TRIT1: variants seen among roughly 807,000 people sequenced by gnomAD.
TRIT1 encodes tRNA isopentenyltransferase 1, also known as tRNA dimethylallyltransferase.
Under a neutral mutation model 51.2 loss-of-function variants are expected in TRIT1, and 43 were observed. The observed-to-expected ratio is 0.84, with a 90% CI of 0.66 to 1.08. The LOEUF (loss-of-function observed/expected upper bound fraction) is 1.08. Among genes scored for constraint, TRIT1 ranks in the 50% least tolerant of loss-of-function variants. The pLI, the probability that TRIT1 is intolerant of heterozygous loss-of-function variation, is 0.00. For synonymous variants in TRIT1, 184 were observed against 203.9 expected (o/e 0.90, Z 0.83); for missense variants, 528 against 578.4 (o/e 0.91, Z 0.89).
intron 5 of TRIT1, 45 bp from the exon 6 acceptor site, chr1:39,848,142 C>A (rs768177032): frequency 3.5e-6 from 5 of 1,422,408 alleles, no homozygotes; most frequent in Middle Eastern, 3.5e-4. Flanking sequence ...GTTGTAGGTA[C>A]CTACTATATA....
chr1:39,856,554 G>A (rs1157857531), intron 2 of TRIT1, among the ~76,000 whole-genome samples: 1 of 150,594 alleles, frequency 6.6e-6, no homozygotes, highest in Non-Finnish European at 1.5e-5. Context: ...TCTATTCTGT[G>A]CCACAAATAT....
At chr1:39,866,275 C>T (rs1006095652) in intron 1 of TRIT1, among the ~76,000 whole-genome samples, 1 of 152,072 alleles carries the variant, frequency 6.6e-6, no homozygotes, top group Non-Finnish European at 1.5e-5. Flanking sequence ...CAGGTTCAAG[C>T]GATTCTCCTA....
In TRIT1 at chr1:39,852,767, G is replaced by A. The variant is rs761935152; in HGVS notation, c.524C>T (p.Ala175Val). 6.2e-7 allele frequency: 1 copy of A among 1,614,080 alleles called. No homozygotes were observed. The highest frequency in any genetic ancestry group is 8.5e-7 in the Non-Finnish European group (1 of 1,179,984). Residue 175 changes from alanine (A) to valine (V), a missense_variant, in exon 4 of 11, where the codon GCC becomes GTC. By Grantham distance (64) the Ala-to-Val change is moderately conservative. Coordinates refer to ENST00000316891, the MANE Select transcript of TRIT1 (RefSeq NM_017646.6). ...RLSQVDPEMA[A>V]KLHPHDKRKV... ...GCGTTTGTCATGTGGATGCAGCTTG[G>A]CAGCCATTTCTGGGTCCACCTGGCT...
chr1:39,838,910 G>A lies in TRIT1; in HGVS notation c.*2834C>T, dbSNP rs1248011882. On this transcript the variant is annotated 3_prime_UTR_variant, in exon 11 of 11. Transcript: ENST00000316891. ...ACAAAAAATTACTGAGAGTTAGGAAGGATCAAGCCATATTCCTGGAATACA... is the reference window on the plus strand; with the variant it reads ...ACAAAAAATTACTGAGAGTTAGGAAAGATCAAGCCATATTCCTGGAATACA... 6.6e-6 allele frequency among the ~76,000 whole-genome samples: 1 copy of A among 152,176 alleles called. No homozygotes were observed. The highest frequency in any genetic ancestry group is 1.5e-5 in the Non-Finnish European group (1 of 68,032).
chr1:39,861,934 A>G (rs1167893211), intron 1 of TRIT1, among the ~76,000 whole-genome samples: 4 of 151,732 alleles, frequency 2.6e-5, no homozygotes, highest in Middle Eastern at 3.2e-3. Context: ...AAAAAAAAAA[A>G]AAAAAGAAAA....
At chr1:39,866,091 AGAAAGGAAG>A (rs1388658832) in intron 1 of TRIT1, among the ~76,000 whole-genome samples, 2 of 66,414 alleles carry the variant, frequency 3.0e-5, no homozygotes, top group Non-Finnish European at 7.9e-5. Context: ...GAAGGAAAGA[AGAAAGGAAG>A]GAAGGAAGGA....
At chr1:39,879,364 ATGG>A (rs1644169934) in intron 1 of TRIT1, among the ~76,000 whole-genome samples, 5 of 152,112 alleles carry the variant, frequency 3.3e-5, no homozygotes, top group African/African-American at 1.2e-4. Context: ...GCCACTGGGG[ATGG>A]AAAGCAGACA....
intron 4 of TRIT1, among the ~76,000 whole-genome samples, chr1:39,852,134 A>G (rs904897986): frequency 1.3e-5 from 2 of 152,194 alleles, no homozygotes. Flanking sequence ...TCAATAGAAC[A>G]GGTCCTTCAT....
At chr1:39,850,305 C>A in intron 4 of TRIT1, 44 bp from the exon 5 acceptor site, 14 of 1,603,410 alleles carry the variant, frequency 8.7e-6, no homozygotes, top group Non-Finnish European at 1.2e-5. Flanking sequence ...CCCATAAAAA[C>A]CAATAGAAAA....
intron 1 of TRIT1, among the ~76,000 whole-genome samples, chr1:39,869,790 C>T (rs1398483648): frequency 1.1e-4 from 17 of 151,672 alleles, no homozygotes; most frequent in Non-Finnish European, 1.0e-4. Context: ...CGTCTCTGCC[C>T]GGCCGCCCCG....
In TRIT1 at chr1:39,841,917, A is replaced by T. The variant is rs1051205862; in HGVS notation, c.1235-4T>A. The T allele has an allele frequency of 6.2e-7, 1 of 1,601,308 alleles. No individual in the cohort carries two copies. The highest frequency in any genetic ancestry group is 1.3e-5 in the African/African-American group (1 of 74,174). On this transcript the variant is annotated splice_region_variant and splice_polypyrimidine_tract_variant and intron_variant, in intron 10 of 10. Coordinates refer to ENST00000316891, the MANE Select transcript of TRIT1 (RefSeq NM_017646.6). ...TGGGATTTGGATTTTATGTGCGCTGATAAGACAAAATCAAACCAAACAAAC... is the reference window on the plus strand; with the variant it reads ...TGGGATTTGGATTTTATGTGCGCTGTTAAGACAAAATCAAACCAAACAAAC...
intron 1 of TRIT1, among the ~76,000 whole-genome samples, chr1:39,871,699 T>C (rs542756107): frequency 6.6e-6 from 1 of 151,902 alleles, no homozygotes; most frequent in Admixed American, 6.6e-5. Flanking sequence ...GGCAAAACAA[T>C]AGGGATGGAA....
rs1160902354 is a variant in TRIT1 at position 39,841,347 on chromosome 1, G to C, written c.*397C>G. On this transcript the variant is annotated 3_prime_UTR_variant, in exon 11 of 11. Coordinates refer to ENST00000316891, the MANE Select transcript of TRIT1 (RefSeq NM_017646.6). ...CTTCAGTCATCTACAAAAGCATCTG[G>C]AAATTAGATAATTTTAGCCAGAGTC... 2 of 155,112 alleles carry C rather than the reference G, an allele frequency of 1.3e-5. No homozygotes were observed. Among genetic ancestry groups the C allele is most frequent in the Non-Finnish European group, 2.9e-5 (2 of 69,954 alleles). 9.6% of individuals were successfully genotyped at this position (155,112 alleles called of 1,614,324 possible).
chr1:39,867,609 A>G (rs1643625302), intron 1 of TRIT1, among the ~76,000 whole-genome samples: 2 of 152,372 alleles, frequency 1.3e-5, no homozygotes, highest in East Asian at 3.9e-4. Flanking sequence ...AAGTTAAAAC[A>G]TGAGAAACTG....
At chr1:39,867,800 C>T (rs1482483947) in intron 1 of TRIT1, among the ~76,000 whole-genome samples, 2 of 152,224 alleles carry the variant, frequency 1.3e-5, no homozygotes, top group Non-Finnish European at 2.9e-5. Flanking sequence ...ATAACCCAAG[C>T]TATTTCTGCT....
In TRIT1 at chr1:39,844,458, T is replaced by C. The variant is rs529481472; in HGVS notation, c.1116+73A>G. The C allele has an allele frequency of 1.1e-4, 138 of 1,232,962 alleles. No individual in the cohort carries two copies. In the East Asian group the frequency reaches 2.7e-3, roughly 24 times the overall value. 76.4% of individuals were successfully genotyped at this position (1,232,962 alleles called of 1,614,324 possible). On this transcript the variant is annotated intron_variant, in intron 9 of 10. Transcript: ENST00000316891. ...GAAAAGAAGGCCTGGTTCTTCAATA[T>C]AGCAACAAAGGTGTCAGCTAATGAA...
rs1212464884 is a variant in TRIT1, at chr1:39,853,899, C to T, written c.414+71G>A. ...AAGAAATAGGCAAGAGTCAACCTTT[C>T]TCCCACTGAAATTAGACAGCAAGAA... is the stretch of plus-strand genomic sequence containing the variant. On this transcript the variant is annotated intron_variant, in intron 3 of 10. Transcript: ENST00000316891. The T allele has an allele frequency of 4.7e-6, 5 of 1,071,150 alleles. No individual in the cohort carries two copies. In the African/African-American group the frequency reaches 4.7e-5, roughly 10 times the overall value. 66.4% of individuals were successfully genotyped at this position (1,071,150 alleles called of 1,614,324 possible). A position where few individuals can be genotyped will look rare whatever the true frequency, so the allele number is the denominator to read the frequency against.
In TRIT1 at chr1:39,841,696, C is replaced by A. The variant is rs766681378; in HGVS notation, c.*48G>T. On this transcript the variant is annotated 3_prime_UTR_variant, in exon 11 of 11. Coordinates refer to ENST00000316891, the MANE Select transcript of TRIT1 (RefSeq NM_017646.6). ...CTGGGAGACAAACATACCCCTCCCT[C>A]CTGAACTGGATCCCCACCACCTTTC... is the stretch of plus-strand genomic sequence containing the variant. 18 of 1,565,254 alleles carry A rather than the reference C, an allele frequency of 1.1e-5. No homozygotes were observed. In the East Asian group the frequency reaches 4.1e-4, roughly 35 times the overall value.
chr1:39,847,555 T>C lies in TRIT1; in HGVS notation c.921A>G (p.Leu307=). The change falls in exon 7 of 11, where the codon CTA becomes CTG. Residue 307 remains leucine (L), a synonymous_variant. Transcript: ENST00000316891. ...KCTLETSNQL[L]KKGIEALKQV... ...AGATGGAAGAATTCACACCTTTCTT[T>C]AGAAGCTGGTTACTAGTCTCCAGTG... 6.2e-7 allele frequency: 1 copy of C among 1,614,182 alleles called. No individual in the cohort carries two copies. Among genetic ancestry groups the C allele is most frequent in the Non-Finnish European group, 8.5e-7 (1 of 1,179,994 alleles).
Sources: gnomAD v4.1 joint callset for allele counts (sites outside exome capture counted in the v4.1 genomes callset) on GRCh38, gnomAD v4.1.1 for gene constraint, MANE v1.5 for transcripts, NCBI Gene and HGNC (gene_info 2026-07-23, HGNC 2026-07-21) for gene names.